The following SLC44A5 variants were observed in gnomAD, a reference collection of about 807,000 sequenced individuals.
SLC44A5 encodes the protein choline transporter-like protein 5.
In SLC44A5, 57 loss-of-function variants were observed where a neutral mutation model predicts 101.8. The ratio of observed to expected loss-of-function variants is 0.56; its 90% CI spans 0.45 to 0.70. The LOEUF is 0.70. Among genes scored for constraint, SLC44A5 ranks in the 30% least tolerant of loss-of-function variants. The pLI is 0.00. For synonymous variants in SLC44A5, 281 were observed against 290.9 expected (o/e 0.97, Z 0.35); for missense variants, 737 against 853.1 (o/e 0.86, Z 1.70).
At chr1:75,587,100 T>G (rs1330264501) in intron 1 of SLC44A5, among the ~76,000 whole-genome samples, 4 of 152,002 alleles carry the variant, frequency 2.6e-5, no homozygotes, top group African/African-American at 9.7e-5. Flanking sequence ...AAACATCTAG[T>G]GAATGAAAGT....
intron 2 of SLC44A5, among the ~76,000 whole-genome samples, chr1:75,528,361 A>C (rs1159986622): frequency 6.6e-6 from 1 of 152,220 alleles, no homozygotes; most frequent in African/African-American, 2.4e-5. Context: ...AAATTATGAG[A>C]AGGAGAAAAA....
At chr1:75,338,692 A>T (rs952503891) in intron 4 of SLC44A5, among the ~76,000 whole-genome samples, 1 of 152,216 alleles carries the variant, frequency 6.6e-6, no homozygotes, top group Non-Finnish European at 1.5e-5. Context: ...GAGTAACCTG[A>T]AACAAATGAC....
chr1:75,292,714 T>C (rs1434078074), intron 5 of SLC44A5, among the ~76,000 whole-genome samples: 1 of 152,182 alleles, frequency 6.6e-6, no homozygotes, highest in Non-Finnish European at 1.5e-5. Context: ...CAAACTGTTC[T>C]TGGATACTCG....
At chr1:75,694,097 G>A in the SLC44A5 span, among the ~76,000 whole-genome samples, 1 of 150,806 alleles carries the variant, frequency 6.6e-6, no homozygotes, top group African/African-American at 2.4e-5. Context: ...ATAAACAGAT[G>A]GAAATGACCA....
intron 23 of SLC44A5, chr1:75,205,389 A>G (rs939958431): frequency 9.2e-5 from 14 of 152,212 alleles, no homozygotes; most frequent in African/African-American, 2.4e-5. Context: ...AATTGATTCA[A>G]TGCTCCTTTT....
Position 75,381,961 on chromosome 1 carries a change from AC to A in SLC44A5, c.52+14621del, listed in dbSNP as rs763268216. Among the ~76,000 whole-genome samples, 5 of 80,596 alleles carry A rather than the reference AC, an allele frequency of 6.2e-5. 1 individual carries two copies. The highest frequency in any genetic ancestry group is 1.1e-4 in the Non-Finnish European group (5 of 47,136). The allele number at this position is 80,596 out of a possible 152,430, so 52.9% of individuals were successfully genotyped here. ...TGTTAATGATTGGCAAAATAATTCT[AC>A]AAGATTGTGGAATTCACAATCTAGT... On this transcript the variant is annotated intron_variant, in intron 3 of 23. Transcript: ENST00000370859.
At chr1:75,618,360 A>G in the SLC44A5 span, among the ~76,000 whole-genome samples, 1 of 152,214 alleles carries the variant, frequency 6.6e-6, no homozygotes, top group Non-Finnish European at 1.5e-5. Flanking sequence ...AGATGAGGAA[A>G]CTGAGACCAA....
intron 6 of SLC44A5, among the ~76,000 whole-genome samples, chr1:75,268,150 C>T (rs1651156397): frequency 6.6e-6 from 1 of 152,154 alleles, no homozygotes; most frequent in Non-Finnish European, 1.5e-5. Context: ...TACGTTTTGG[C>T]CTCTTGGCTT....
At chr1:75,461,550 A>G (rs1318292273) in intron 2 of SLC44A5, among the ~76,000 whole-genome samples, 2 of 152,164 alleles carry the variant, frequency 1.3e-5, no homozygotes, top group Non-Finnish European at 2.9e-5. Context: ...AGCCACGGTG[A>G]CTAAATAGCT....
the SLC44A5 span, among the ~76,000 whole-genome samples, chr1:75,637,608 A>T: frequency 2.0e-5 from 3 of 151,990 alleles, no homozygotes; most frequent in Non-Finnish European, 4.4e-5. Flanking sequence ...GAATTTAGTT[A>T]ATGACACTGA....
chr1:75,694,257 G>A, the SLC44A5 span, among the ~76,000 whole-genome samples: 38 of 151,888 alleles, frequency 2.5e-4, no homozygotes, highest in East Asian at 6.4e-3. Context: ...TACAAATAAC[G>A]GCAGGTAAGC....
chr1:75,430,161 C>T lies in SLC44A5; in HGVS notation c.14-33540G>A, dbSNP rs377032394. On this transcript the variant is annotated intron_variant, in intron 2 of 23. Coordinates refer to ENST00000370859, the MANE Select transcript of SLC44A5 (RefSeq NM_001130058.2). Reference sequence around the variant, plus strand: ...CTTCTGGGAAGTGTTTAGGCTCTGCCTTTATGAATGGATTATTACCATTAT... The same window carrying T: ...CTTCTGGGAAGTGTTTAGGCTCTGCTTTTATGAATGGATTATTACCATTAT... Among the ~76,000 whole-genome samples the T allele has an allele frequency of 9.9e-5, 15 of 152,228 alleles. No individual in the cohort carries two copies. In the South Asian group the frequency reaches 1.5e-3, roughly 15 times the overall value.
chr1:75,426,485 T>C (rs938969495), intron 2 of SLC44A5, among the ~76,000 whole-genome samples: 2 of 152,110 alleles, frequency 1.3e-5, no homozygotes, highest in Non-Finnish European at 2.9e-5. Context: ...AGCAACACAA[T>C]AGACAAGGAA....
intron 4 of SLC44A5, among the ~76,000 whole-genome samples, chr1:75,306,141 T>C (rs1009563612): frequency 6.6e-6 from 1 of 152,240 alleles, no homozygotes; most frequent in African/African-American, 2.4e-5. Context: ...GCAATACTAA[T>C]ATATGTATAT....
intron 2 of SLC44A5, among the ~76,000 whole-genome samples, chr1:75,401,216 A>C (rs535867503): frequency 5.4e-4 from 82 of 152,170 alleles, no homozygotes; most frequent in Non-Finnish European, 1.0e-3. Context: ...GAGGCTTATT[A>C]TTTCCTTCCT....
intron 2 of SLC44A5, among the ~76,000 whole-genome samples, chr1:75,512,861 C>T (rs1669639817): frequency 6.6e-6 from 1 of 152,152 alleles, no homozygotes; most frequent in Admixed American, 6.5e-5. Context: ...TATTTTATGC[C>T]ATGAGTTTCA....
the SLC44A5 span, among the ~76,000 whole-genome samples, chr1:75,683,470 A>G: frequency 2.6e-5 from 4 of 151,952 alleles, no homozygotes; most frequent in African/African-American, 9.7e-5. Flanking sequence ...CATGGATGAA[A>G]TTGGAAATCA....
intron 1 of SLC44A5, among the ~76,000 whole-genome samples, chr1:75,579,357 C>T (rs921568474): frequency 3.9e-5 from 6 of 152,160 alleles, no homozygotes; most frequent in East Asian, 1.9e-4. Flanking sequence ...GCAGGAGGAT[C>T]GCTTGAACTG....
chr1:75,679,405 G>GCGGATCT, the SLC44A5 span, among the ~76,000 whole-genome samples: 1,017 of 152,298 alleles, frequency 6.7e-3, 12 homozygotes, highest in Admixed American at 0.037. Flanking sequence ...CAGACTAACA[G>GCGGATCT]CGGATCTCTC....
Sources: gnomAD v4.1 joint callset for allele counts (sites outside exome capture counted in the v4.1 genomes callset) on GRCh38, gnomAD v4.1.1 for gene constraint, MANE v1.5 for transcripts, NCBI Gene and HGNC (gene_info 2026-07-23, HGNC 2026-07-21) for gene names.